The following PCSK2 variants were observed in gnomAD, a reference collection of about 807,000 sequenced individuals.
The protein encoded by PCSK2 is proprotein convertase subtilisin/kexin type 2, also known as neuroendocrine convertase 2.
Under a neutral mutation model 69.7 loss-of-function variants are expected in PCSK2, and 14 were observed. The observed-to-expected ratio is 0.20, with a 90% confidence interval of 0.13 to 0.31. The LOEUF is 0.31. Ranked by LOEUF, PCSK2 falls within the 10% of genes least tolerant of loss-of-function variation. PCSK2 has a pLI of 1.00. For missense variants in PCSK2, 544 were observed against 842.5 expected (o/e 0.65, Z 4.39); for synonymous variants, 307 against 320.7 (o/e 0.96, Z 0.46).
chr20:17,478,608 T>C (rs1255945014), intron 11 of PCSK2, among the ~76,000 whole-genome samples: 2 of 152,194 alleles, frequency 1.3e-5, no homozygotes, highest in Non-Finnish European at 2.9e-5. Flanking sequence ...TACTTTCCAC[T>C]AAATATTGTG....
intron 1 of PCSK2, among the ~76,000 whole-genome samples, chr20:17,227,848 T>C (rs1985989928): frequency 6.6e-6 from 1 of 152,162 alleles, no homozygotes; most frequent in South Asian, 2.1e-4. Flanking sequence ...CGTTGGCTAC[T>C]TGGCCAGGGA....
At chr20:17,463,896 GT>G (rs1282947802) in intron 10 of PCSK2, 1 of 152,166 alleles carries the variant, frequency 6.6e-6, no homozygotes, top group African/African-American at 2.4e-5. Flanking sequence ...GAAGAGAACT[GT>G]AGTGCAAGGT....
At chr20:17,267,517 T>A (rs1034350417) in intron 2 of PCSK2, among the ~76,000 whole-genome samples, 15 of 152,210 alleles carry the variant, frequency 9.9e-5, no homozygotes, top group African/African-American at 3.6e-4. Context: ...GCATTGCAGA[T>A]ATGCCTGGCT....
intron 2 of PCSK2, among the ~76,000 whole-genome samples, chr20:17,272,385 C>T (rs942163228): frequency 6.6e-6 from 1 of 152,068 alleles, no homozygotes; most frequent in Admixed American, 6.6e-5. Context: ...AATAGTGAAC[C>T]TACAATTAGC....
At position 17,477,367 on chromosome 20, in the gene PCSK2, A is replaced by G. The variant is rs993757933; in HGVS notation, c.1431-4217A>G. On this transcript the variant is annotated intron_variant, in intron 11 of 11. Transcript: ENST00000262545. ...TTTATTTATTTTTCAGCACAGGAAG[A>G]TAATATTTATTATATTTTAACTAGA... is the stretch of plus-strand genomic sequence containing the variant. Among the ~76,000 whole-genome samples the G allele has an allele frequency of 1.4e-4, 21 of 152,040 alleles. No homozygotes were observed. The Middle Eastern group carries it at 0.01, about 74-fold the overall frequency.
chr20:17,259,821 G>A (rs1987309020), intron 1 of PCSK2, among the ~76,000 whole-genome samples: 1 of 152,126 alleles, frequency 6.6e-6, no homozygotes, highest in South Asian at 2.1e-4. Context: ...AGACAGCTAT[G>A]AAGACATGAC....
In PCSK2 at chr20:17,406,674, G is replaced by A. The variant is rs368098798; in HGVS notation, c.544-2589G>A. On this transcript the variant is annotated intron_variant, in intron 5 of 11. Transcript: ENST00000262545. ...AACAGCCTCACTCAGACAGACCCCA[G>A]TGATAATTATCAGCCCAAAAGATAA... Among the ~76,000 whole-genome samples the A allele has an allele frequency of 9.2e-5, 14 of 152,262 alleles. No homozygotes were observed. In the East Asian group the frequency reaches 9.7e-4, roughly 11 times the overall value.
At chr20:17,454,295 G>T in intron 9 of PCSK2, among the ~76,000 whole-genome samples, 1 of 152,174 alleles carries the variant, frequency 6.6e-6, no homozygotes, top group Non-Finnish European at 1.5e-5. Context: ...CTAACTCATT[G>T]TAAGAACCAA....
chr20:17,432,617 T>C (rs1025127776), intron 7 of PCSK2, among the ~76,000 whole-genome samples: 11 of 152,176 alleles, frequency 7.2e-5, no homozygotes, highest in African/African-American at 2.7e-4. Context: ...ATCAAAAAGA[T>C]TGAGTCAAAA....
At chr20:17,340,747 C>G (rs995741072) in intron 2 of PCSK2, among the ~76,000 whole-genome samples, 1 of 152,104 alleles carries the variant, frequency 6.6e-6, no homozygotes, top group Non-Finnish European at 1.5e-5. Flanking sequence ...GCAGAATGTT[C>G]CCCTCCCCTG....
chr20:17,345,042 T>C (rs539868430), intron 2 of PCSK2, among the ~76,000 whole-genome samples: 1 of 152,364 alleles, frequency 6.6e-6, no homozygotes, highest in South Asian at 2.1e-4. Context: ...CTGGATGTGT[T>C]GCCCTTCCCA....
intron 1 of PCSK2, among the ~76,000 whole-genome samples, chr20:17,232,831 C>A (rs1356723536): frequency 6.6e-6 from 1 of 152,160 alleles, no homozygotes. Flanking sequence ...CATAAGCATT[C>A]CCTGAAAGAT....
chr20:17,290,224 G>A (rs1238209286), intron 2 of PCSK2, among the ~76,000 whole-genome samples: 1 of 152,122 alleles, frequency 6.6e-6, no homozygotes, highest in Non-Finnish European at 1.5e-5. Flanking sequence ...ACAGATCACT[G>A]CCTGGCACAC....
chr20:17,342,183 C>G (rs1990529499), intron 2 of PCSK2, among the ~76,000 whole-genome samples: 1 of 151,828 alleles, frequency 6.6e-6, no homozygotes, highest in South Asian at 2.1e-4. Flanking sequence ...CACACACATA[C>G]AGCAAAATTA....
At chr20:17,392,052 CCT>C (rs2031395432) in intron 5 of PCSK2, among the ~76,000 whole-genome samples, 1 of 152,064 alleles carries the variant, frequency 6.6e-6, no homozygotes. Flanking sequence ...CCAAATATCC[CCT>C]GTCTCATGTA....
chr20:17,280,231 T>C (rs1177480011), intron 2 of PCSK2, among the ~76,000 whole-genome samples: 3 of 152,222 alleles, frequency 2.0e-5, no homozygotes, highest in African/African-American at 7.2e-5. Context: ...CTTAGAGAAT[T>C]TGACTTATAA....
At chr20:17,293,342 G>C (rs1166423870) in intron 2 of PCSK2, among the ~76,000 whole-genome samples, 2 of 152,132 alleles carry the variant, frequency 1.3e-5, no homozygotes, top group African/African-American at 4.8e-5. Flanking sequence ...TCTTGCTGTT[G>C]TTTTGGCTAC....
chr20:17,252,627 T>C (rs1987026490), intron 1 of PCSK2, among the ~76,000 whole-genome samples: 1 of 152,188 alleles, frequency 6.6e-6, no homozygotes, highest in Admixed American at 6.5e-5. Flanking sequence ...ACCAAGGCAA[T>C]CTGGCTTCAG....
chr20:17,448,308 C>A (rs1312268880), intron 8 of PCSK2, among the ~76,000 whole-genome samples: 1 of 152,212 alleles, frequency 6.6e-6, no homozygotes, highest in African/African-American at 2.4e-5. Context: ...ACAAGTTTCT[C>A]AGAGTGGGAT....
Sources: gnomAD v4.1 joint callset for allele counts (sites outside exome capture counted in the v4.1 genomes callset) on GRCh38, gnomAD v4.1.1 for gene constraint, MANE v1.5 for transcripts, NCBI Gene and HGNC (gene_info 2026-07-23, HGNC 2026-07-21) for gene names.